The following VIT variants were observed in gnomAD, a reference collection of about 807,000 sequenced individuals.
VIT encodes vitrin.
VIT carries 99 observed loss-of-function variants against 78.0 expected under a neutral mutation model. The ratio of observed to expected loss-of-function variants is 1.27; its 90% CI spans 1.08 to 1.50. The LOEUF is 1.50. VIT is among the 40% of genes most tolerant of loss of function. VIT has a pLI of 0.00. For missense variants in VIT, 1,126 were observed against 875.3 expected (o/e 1.29, Z -3.61); for synonymous variants, 374 against 334.3 (o/e 1.12, Z -1.29).
At chr2:36,733,309 T>G (rs1435108973) in intron 3 of VIT, among the ~76,000 whole-genome samples, 1 of 152,096 alleles carries the variant, frequency 6.6e-6, no homozygotes, top group Non-Finnish European at 1.5e-5. Flanking sequence ...TCTCTGTGCA[T>G]CTCTCTCTTT....
At chr2:36,798,972 T>C (rs1011780253) in intron 12 of VIT, among the ~76,000 whole-genome samples, 3 of 152,194 alleles carry the variant, frequency 2.0e-5, no homozygotes, top group African/African-American at 7.2e-5. Context: ...ATTCTGCTGA[T>C]TGCTGTGTTG....
rs1665390731 is a variant in VIT at position 36,790,202 on chromosome 2, C to T, written c.1058+2926C>T. ...TCAAAGACGTTTTGGGTACACGGAA[C>T]AGAAAACCACTCCAGGTAGCCCAGG... On this transcript the variant is annotated intron_variant, in intron 12 of 15. Transcript: ENST00000379242. Among the ~76,000 whole-genome samples, 6 of 152,272 alleles carry T rather than the reference C, an allele frequency of 3.9e-5. No homozygotes were observed. In the South Asian group the frequency reaches 1.2e-3, roughly 32 times the overall value.
At chr2:36,741,731 C>T (rs11688089) in intron 3 of VIT, among the ~76,000 whole-genome samples, 26,679 of 151,966 alleles carry the variant, frequency 0.18, 3,064 homozygotes, top group Non-Finnish European at 0.26. Context: ...TTATTCTACT[C>T]CTCACCCAAT....
At chr2:36,729,389 A>T in intron 2 of VIT, 37 bp from the exon 3 acceptor site, 1 of 1,536,850 alleles carries the variant, frequency 6.5e-7, no homozygotes, top group Non-Finnish European at 8.8e-7. Flanking sequence ...TAAGTAAAAT[A>T]AAATTGATTA....
chr2:36,801,786 A>AG (rs1325345939), intron 13 of VIT, among the ~76,000 whole-genome samples: 1 of 152,048 alleles, frequency 6.6e-6, no homozygotes, highest in African/African-American at 2.4e-5. Context: ...AAAAAAAAAA[A>AG]AAAAAGGACA....
chr2:36,697,699 G>C (rs1158725776), intron 1 of VIT, among the ~76,000 whole-genome samples: 1 of 152,202 alleles, frequency 6.6e-6, no homozygotes, highest in Non-Finnish European at 1.5e-5. Context: ...AGGTTAAAGA[G>C]AGAGGATAAG....
chr2:36,736,561 G>A (rs1304142014), intron 3 of VIT, among the ~76,000 whole-genome samples: 2 of 152,234 alleles, frequency 1.3e-5, no homozygotes, highest in Non-Finnish European at 2.9e-5. Flanking sequence ...TTAGTCCAAA[G>A]TGGTGTCAGG....
chr2:36,789,035 A>T (rs1665300768), intron 12 of VIT, among the ~76,000 whole-genome samples: 1 of 152,174 alleles, frequency 6.6e-6, no homozygotes, highest in Non-Finnish European at 1.5e-5. Flanking sequence ...TTTACTATCT[A>T]AAAAATCCCT....
chr2:36,745,401 G>T (rs1414734432), intron 4 of VIT, among the ~76,000 whole-genome samples: 1 of 152,086 alleles, frequency 6.6e-6, no homozygotes, highest in African/African-American at 2.4e-5. Context: ...ATTGCTTTGG[G>T]CAGTATGGTC....
rs559858667 is a variant in VIT at position 36,718,610 on chromosome 2, A to G, written c.52+2188A>G. On this transcript the variant is annotated intron_variant, in intron 2 of 15. Coordinates refer to ENST00000379242, the MANE Select transcript of VIT (RefSeq NM_053276.4). ...AAACAATGCCCTCTCTTCACTTTGGATAGGTCCTCAAGGATAGCAGGCACT... is the reference window on the plus strand; with the variant it reads ...AAACAATGCCCTCTCTTCACTTTGGGTAGGTCCTCAAGGATAGCAGGCACT... 7.9e-5 allele frequency among the ~76,000 whole-genome samples: 12 copies of G among 152,268 alleles called. No homozygotes were observed. In the South Asian group the frequency reaches 2.1e-3, roughly 26 times the overall value.
chr2:36,768,071 T>C (rs889544098), intron 7 of VIT, among the ~76,000 whole-genome samples: 1 of 152,222 alleles, frequency 6.6e-6, no homozygotes, highest in African/African-American at 2.4e-5. Context: ...CCACATAGCA[T>C]GACCCTTCCC....
chr2:36,732,967 T>C (rs751585008), intron 3 of VIT, among the ~76,000 whole-genome samples: 39 of 152,056 alleles, frequency 2.6e-4, no homozygotes, highest in Non-Finnish European at 5.3e-4. Context: ...AGCTAAAAAG[T>C]AGTTCAACAT....
intron 15 of VIT, 124 bp downstream of exon 15, chr2:36,809,109 C>T (rs1307631447): frequency 7.5e-7 from 1 of 1,341,640 alleles, no homozygotes; most frequent in Non-Finnish European, 1.0e-6. Context: ...TAAAAATGTT[C>T]AAAGCCGCAG....
intron 2 of VIT, among the ~76,000 whole-genome samples, chr2:36,724,589 T>C (rs76653729): frequency 0.14 from 21,621 of 152,186 alleles, 1,871 homozygotes; most frequent in East Asian, 0.2. Context: ...GCAGACCAGC[T>C]GTCCCCTGGA....
chr2:36,720,641 A>G (rs1426926244), intron 2 of VIT, among the ~76,000 whole-genome samples: 1 of 152,232 alleles, frequency 6.6e-6, no homozygotes, highest in East Asian at 1.9e-4. Context: ...AGCCAAACTG[A>G]TGGAAGCAGA....
chr2:36,716,240 G>A (rs914810880), intron 1 of VIT, 113 bp from the exon 2 acceptor site: 6 of 749,280 alleles, frequency 8.0e-6, no homozygotes, highest in Middle Eastern at 3.2e-4. Context: ...GCCTGGAATC[G>A]TAAGACTCCA....
intron 13 of VIT, among the ~76,000 whole-genome samples, chr2:36,803,972 T>C (rs1490086172): frequency 1.3e-5 from 2 of 152,194 alleles, no homozygotes; most frequent in African/African-American, 4.8e-5. Context: ...ATGCTGACTC[T>C]AGGGTGAACG....
intron 12 of VIT, among the ~76,000 whole-genome samples, chr2:36,791,068 C>A (rs145990914): frequency 6.6e-6 from 1 of 152,160 alleles, no homozygotes; most frequent in Non-Finnish European, 1.5e-5. Context: ...TAATTGCACA[C>A]GTTCTTTGTA....
At chr2:36,761,597 G>A (rs570131025) in intron 6 of VIT, among the ~76,000 whole-genome samples, 89 of 152,174 alleles carry the variant, frequency 5.8e-4, no homozygotes, top group African/African-American at 1.4e-3. Flanking sequence ...AAAATTAGCT[G>A]GGCGTGGTGA....
Sources: allele counts gnomAD v4.1 joint callset (sites outside exome capture counted in the v4.1 genomes callset), GRCh38; gene constraint gnomAD v4.1.1; transcripts MANE v1.5; gene names NCBI Gene and HGNC (gene_info 2026-07-23, HGNC 2026-07-21).